The following ARHGEF7 variants were observed in gnomAD, a reference collection of about 807,000 sequenced individuals.
ARHGEF7 encodes Rho guanine nucleotide exchange factor 7, also known as PAK-interacting exchange factor beta.
A neutral mutation model predicts 109.8 loss-of-function variants in ARHGEF7; 33 were observed. The observed-to-expected ratio is 0.30, with a 90% CI of 0.23 to 0.40. The LOEUF (loss-of-function observed/expected upper bound fraction) is 0.40, where lower values mean the gene tolerates loss of function less well. Ranked by LOEUF, ARHGEF7 falls within the 10% of genes least tolerant of loss-of-function variation. The probability of loss-of-function intolerance (pLI) is 1.00; values close to 1 mark genes in which losing one functional copy is unlikely to be tolerated. For synonymous variants in ARHGEF7, 458 were observed against 424.6 expected (o/e 1.08, Z -0.97); for missense variants, 938 against 1,098.5 (o/e 0.85, Z 2.07).
intron 2 of ARHGEF7, among the ~76,000 whole-genome samples, chr13:111,168,729 A>G (rs1186613993): frequency 6.6e-6 from 1 of 152,242 alleles, no homozygotes; most frequent in Non-Finnish European, 1.5e-5. Context: ...ATGATTTTTG[A>G]AACTAAACAA....
intron 1 of ARHGEF7, 51 bp downstream of exon 1, chr13:111,115,742 G>T (rs2066690471): frequency 1.9e-6 from 2 of 1,060,814 alleles, no homozygotes; most frequent in East Asian, 4.9e-5. Context: ...GGCCCGCTGC[G>T]GCCCGGGATG....
At chr13:111,220,800 C>T (rs539048675) in intron 5 of ARHGEF7, among the ~76,000 whole-genome samples, 1 of 152,002 alleles carries the variant, frequency 6.6e-6, no homozygotes, top group Non-Finnish European at 1.5e-5. Flanking sequence ...ATGTCTTAGG[C>T]GTGTCTGAGC....
intron 18 of ARHGEF7, among the ~76,000 whole-genome samples, chr13:111,290,607 C>T (rs1016976978): frequency 1.3e-5 from 2 of 152,374 alleles, no homozygotes; most frequent in African/African-American, 4.8e-5. Flanking sequence ...TCCTGTGATA[C>T]GCTGCGGCTT....
Position 111,217,829 on chromosome 13 carries a change from G to C in ARHGEF7, c.619G>C (p.Gly207Arg), listed in dbSNP as rs548277731. Residue 207 changes from glycine to arginine, a missense_variant, in exon 5 of 22, where the codon GGC becomes CGC. Around this residue, in one of 4 missense-constraint regions of ARHGEF7, gnomAD observed 585 missense variants for 723.6 expected, o/e 0.81. Transcript: ENST00000646102. ...EGGWWEGTLN[G>R]RTGWFPSNYV... Reference sequence around the variant, plus strand: ...AGGCTGGTGGGAGGGCACACTCAACGGCCGGACCGGCTGGTTCCCCAGCAA... The same window carrying C: ...AGGCTGGTGGGAGGGCACACTCAACCGCCGGACCGGCTGGTTCCCCAGCAA... 20 of 1,614,058 alleles carry C rather than the reference G, an allele frequency of 1.2e-5. No homozygotes were observed. The South Asian group carries it at 2.0e-4, about 16-fold the overall frequency.
chr13:111,290,138 G>A (rs1352448564), intron 18 of ARHGEF7, among the ~76,000 whole-genome samples: 5 of 152,146 alleles, frequency 3.3e-5, no homozygotes, highest in African/African-American at 4.8e-5. Flanking sequence ...TTGAATTTGA[G>A]ATTTTTTTGT....
At position 111,275,549 on chromosome 13, in the gene ARHGEF7, C is replaced by G; in HGVS notation, c.1290C>G (p.Val430=). The G allele has an allele frequency of 1.9e-6, 3 of 1,613,868 alleles. No homozygotes were observed. The highest frequency in any genetic ancestry group is 1.7e-6 in the Non-Finnish European group (2 of 1,179,902). The change falls in exon 12 of 22, where the codon GTC becomes GTG. Residue 430 remains valine (V), a synonymous_variant. Coordinates refer to ENST00000646102, the MANE Select transcript of ARHGEF7 (RefSeq NM_001354046.2). The stretch of plus-strand genomic sequence containing the variant: ...TCTGTCAGGCCCAATGTCAAGAAGT[C>G]CGGAAGAGGAAAGAGCTTGAGCTGC... ...FKNLSAQCQE[V]RKRKELELQI... is the part of the protein sequence containing the mutation.
At chr13:111,231,291 A>G (rs963210436) in intron 5 of ARHGEF7, among the ~76,000 whole-genome samples, 1 of 152,250 alleles carries the variant, frequency 6.6e-6, no homozygotes, top group African/African-American at 2.4e-5. Context: ...TTGAGTAGGT[A>G]AGTGTGCTAG....
intron 19 of ARHGEF7, chr13:111,294,306 C>G: frequency 2.0e-6 from 2 of 985,486 alleles, no homozygotes; most frequent in Non-Finnish European, 2.4e-6. Context: ...CTCATTAGCG[C>G]ACTGGCTAAG....
chr13:111,165,539 C>A (rs1293257544), intron 2 of ARHGEF7, among the ~76,000 whole-genome samples: 1 of 152,170 alleles, frequency 6.6e-6, no homozygotes, highest in African/African-American at 2.4e-5. Flanking sequence ...GTATTCTCTG[C>A]TACCCACAAC....
chr13:111,237,116 A>G (rs910725969), intron 6 of ARHGEF7, among the ~76,000 whole-genome samples: 2 of 152,316 alleles, frequency 1.3e-5, no homozygotes, highest in East Asian at 3.9e-4. Context: ...GAAAAGATAA[A>G]TCTTTTAGGC....
At chr13:111,160,594 G>A (rs2076665949) in intron 2 of ARHGEF7, among the ~76,000 whole-genome samples, 1 of 152,116 alleles carries the variant, frequency 6.6e-6, no homozygotes, top group Non-Finnish European at 1.5e-5. Flanking sequence ...TACAATTCAA[G>A]ATGAGATTTG....
intron 2 of ARHGEF7, among the ~76,000 whole-genome samples, chr13:111,162,183 A>G (rs1338606569): frequency 6.6e-6 from 1 of 152,190 alleles, no homozygotes; most frequent in Non-Finnish European, 1.5e-5. Context: ...GCTGTCTTGA[A>G]TCTTTTATAT....
rs2090680713 is a variant in ARHGEF7, at chr13:111,258,311, A to G, written c.951-9237A>G. ...CTCCAGTGAGACTCCTCCCACAACC[A>G]CAGGCAGTGCAGCCTGCACCTCCAG... On this transcript the variant is annotated intron_variant, in intron 8 of 21. Coordinates refer to ENST00000646102, the MANE Select transcript of ARHGEF7 (RefSeq NM_001354046.2). This position sits in a 1 kb window ranked among gnomAD's most constrained non-coding sequence, Gnocchi z 4.4. Among the ~76,000 whole-genome samples the G allele has an allele frequency of 6.6e-6, 1 of 152,176 alleles. No homozygotes were observed. The highest frequency in any genetic ancestry group is 1.5e-5 in the Non-Finnish European group (1 of 68,014).
At chr13:111,158,558 A>G (rs1196747330) in intron 2 of ARHGEF7, among the ~76,000 whole-genome samples, 1 of 152,224 alleles carries the variant, frequency 6.6e-6, no homozygotes, top group Non-Finnish European at 1.5e-5. Flanking sequence ...GGAAAAGTGG[A>G]AAGCATCCAA....
At chr13:111,236,697 C>T (rs908215113) in intron 6 of ARHGEF7, among the ~76,000 whole-genome samples, 7 of 152,064 alleles carry the variant, frequency 4.6e-5, no homozygotes, top group Admixed American at 6.5e-5. Flanking sequence ...TCAGGTATTA[C>T]GGCTCACACC....
intron 19 of ARHGEF7, chr13:111,294,615 T>C (rs906488577): frequency 8.1e-6 from 8 of 985,356 alleles, no homozygotes; most frequent in Non-Finnish European, 9.6e-6. Flanking sequence ...TTAGCTTTTG[T>C]GATCTGGTTA....
In ARHGEF7 at chr13:111,258,462, A is replaced by T. The variant is rs1173874075; in HGVS notation, c.951-9086A>T. 6.6e-6 allele frequency among the ~76,000 whole-genome samples: 1 copy of T among 152,222 alleles called. No homozygotes were observed. Among genetic ancestry groups the T allele is most frequent in the African/African-American group, 2.4e-5 (1 of 41,462 alleles). On this transcript the variant is annotated intron_variant, in intron 8 of 21. Coordinates refer to ENST00000646102, the MANE Select transcript of ARHGEF7 (RefSeq NM_001354046.2). This position sits in a 1 kb window ranked among gnomAD's most constrained non-coding sequence, Gnocchi z 4.4. Reference sequence around the variant, plus strand: ...CAGAACCCTGAGGCTCCCGGACGACATTTATAGACATACCTTGGACCAAAA... The same window carrying T: ...CAGAACCCTGAGGCTCCCGGACGACTTTTATAGACATACCTTGGACCAAAA...
chr13:111,154,023 G>A (rs781486090), intron 2 of ARHGEF7, 32 bp downstream of exon 2: 6 of 1,584,284 alleles, frequency 3.8e-6, no homozygotes, highest in African/African-American at 1.4e-5. Context: ...CCGAGGGAGG[G>A]GCCGGGAAGA....
chr13:111,291,394 G>GT (rs1160853133), intron 18 of ARHGEF7, among the ~76,000 whole-genome samples: 2 of 152,258 alleles, frequency 1.3e-5, no homozygotes, highest in Admixed American at 1.3e-4. Flanking sequence ...CTGCATTGGG[G>GT]TGGCCGGTGT....
Sources: allele counts gnomAD v4.1 joint callset (sites outside exome capture counted in the v4.1 genomes callset), GRCh38; gene constraint gnomAD v4.1.1; regional missense constraint gnomAD v4.1.1; non-coding constraint Gnocchi (gnomAD v3.1); transcripts MANE v1.5; gene names NCBI Gene and HGNC (gene_info 2026-07-23, HGNC 2026-07-21).